Variants in PEX11B observed in about 807,000 individuals in gnomAD.
PEX11B encodes the protein peroxisomal membrane protein 11B.
In PEX11B, 18 loss-of-function variants were observed where a neutral mutation model predicts 28.2. The observed-to-expected ratio is 0.64, with a 90% CI of 0.44 to 0.95. The LOEUF (loss-of-function observed/expected upper bound fraction) is 0.95, where lower values mean the gene tolerates loss of function less well. PEX11B is among the 40% of genes least tolerant of loss of function. PEX11B has a pLI of 0.00. For missense variants in PEX11B, 305 were observed against 319.8 expected, an observed-to-expected ratio of 0.95 and a Z score of 0.35; for synonymous variants, 128 against 128.7, an observed-to-expected ratio of 0.99 and a Z score of 0.04.
chr1:145,916,823 G>A lies in PEX11B; in HGVS notation c.368C>T (p.Ser123Leu). 6.2e-7 allele frequency: 1 copy of A among 1,612,496 alleles called. No homozygotes were observed. Among genetic ancestry groups the A allele is most frequent in the Non-Finnish European group, 8.5e-7 (1 of 1,178,740 alleles). ...GGAGAACAGGATATCAAACCTGAAT[G>A]AACGCTGGGCCCACTTCTCCTGATC... The part of the protein sequence containing the change: ...RVDQEKWAQR[S>L]FRYYLFSLIM... The change falls in exon 3 of 4, where the codon TCA becomes TTA. Residue 123 changes from serine to leucine, a missense_variant. Transcript: ENST00000369306.
At chr1:145,918,603 G>A (rs1181378051) in intron 1 of PEX11B, 30 bp downstream of exon 1, 4 of 502,792 alleles carry the variant, frequency 8.0e-6, no homozygotes, top group Non-Finnish European at 8.9e-6. Flanking sequence ...TCCCTCCCCC[G>A]CCCCACCCCC....
chr1:145,912,369 C>T lies in PEX11B; in HGVS notation c.572G>A (p.Arg191Gln), dbSNP rs376116716. 3.8e-5 allele frequency: 61 copies of T among 1,612,838 alleles called. No homozygotes were observed. In the South Asian group the frequency reaches 4.1e-4, roughly 11 times the overall value. ...TCGAGCCAGGAGCAGGACTTGCAGC[C>T]GAAGTTTCAGAGCCAGTTGGGGCAG... The part of the protein sequence containing the change: ...GGLPQLALKL[R>Q]LQVLLLARVL... Residue 191 changes from arginine (R) to glutamine (Q), a missense_variant, in exon 4 of 4, where the codon CGG (arginine) becomes CAG (glutamine). Physicochemically the swap from Arg to Gln is conservative, Grantham distance 43. Transcript: ENST00000369306.
At chr1:145,918,567 G>A in intron 1 of PEX11B, 66 bp downstream of exon 1, 1 of 1,556,974 alleles carries the variant, frequency 6.4e-7, no homozygotes, top group African/African-American at 1.4e-5. Flanking sequence ...AACTGACTTC[G>A]CCTCACTAGA....
chr1:145,912,633 T>G (rs907297450), intron 3 of PEX11B, 67 bp from the exon 4 acceptor site: 571 of 1,103,856 alleles, frequency 5.2e-4, no homozygotes, highest in Non-Finnish European at 6.5e-4. Context: ...ACATCACATT[T>G]TAACATTTTC....
At chr1:145,918,373 C>T in intron 1 of PEX11B, 1 of 1,534,410 alleles carries the variant, frequency 6.5e-7, no homozygotes, top group South Asian at 1.2e-5. Flanking sequence ...AGTGAGGACA[C>T]TGTCGGTCTT....
rs1647291127 is a variant in PEX11B at position 145,914,862 on chromosome 1, T to TAACATTTATGAGATATTTATGTAATGTTA, written c.374+1954_374+1955insTAACATTACATAAATATCTCATAAATGTT. Among the ~76,000 whole-genome samples the TAACATTTATGAGATATTTATGTAATGTTA allele has an allele frequency of 2.0e-5, 3 of 152,210 alleles. No homozygotes were observed. The South Asian group carries it at 6.2e-4, about 31-fold the overall frequency. On this transcript the variant is annotated intron_variant, in intron 3 of 3. Coordinates refer to ENST00000369306, the MANE Select transcript of PEX11B (RefSeq NM_003846.3). ...TTATTGTTTATTTATGTTTATCTCA[T>TAACATTTATGAGATATTTATGTAATGTTA]CCCATTACAAGGTAAGTTCCAGAGG...
chr1:145,918,613 C>CCAA lies in PEX11B; in HGVS notation c.56+19_56+20insTTG. 1.9e-6 allele frequency: 3 copies of CCAA among 1,583,064 alleles called. No homozygotes were observed. The highest frequency in any genetic ancestry group is 2.6e-6 in the Non-Finnish European group (3 of 1,164,280). ...GTCCATCCCTCCCCCGCCCCACCCC[C>CCAA]ATTCCTATTCGGGCCGCACCTACAC... On this transcript the variant is annotated intron_variant, in intron 1 of 3. Coordinates refer to ENST00000369306, the MANE Select transcript of PEX11B (RefSeq NM_003846.3).
chr1:145,916,923 G>A lies in PEX11B; in HGVS notation c.268C>T (p.His90Tyr), dbSNP rs1553753995. Residue 90 changes from histidine to tyrosine, a missense_variant, in exon 3 of 4, where the codon CAC (histidine) becomes TAC (tyrosine). His to Tyr is a moderately conservative substitution (Grantham distance 83). Transcript: ENST00000369306. ...VVLRFCITVS[H>Y]LNRALYFACD... is the part of the protein sequence containing the mutation. ...GCGAAGTACAAGGCTCGATTGAGGT[G>A]ACTAACAGTGATGCAGAATCTCAGG... The A allele has an allele frequency of 6.2e-7, 1 of 1,613,534 alleles. No homozygotes were observed. The highest frequency in any genetic ancestry group is 1.7e-5 in the Admixed American group (1 of 60,016).
At position 145,918,680 on chromosome 1, in the gene PEX11B, G is replaced by C. The variant is rs782166116; in HGVS notation, c.9C>G (p.Ala3=). The change falls in exon 1 of 4, where the codon GCC becomes GCG. Residue 3 remains alanine (A), a synonymous_variant. Transcript: ENST00000369306. The stretch of plus-strand genomic sequence containing the variant: ...GGCTCTGAGCACTGAAGCGGACCCA[G>C]GCGTCCATGACAGCCGCAGCCCAGG... The part of the protein sequence containing the change: MD[A]WVRFSAQSQA... 2.6e-6 allele frequency: 4 copies of C among 1,557,136 alleles called. No individual in the cohort carries two copies. In the African/African-American group the frequency reaches 4.2e-5, roughly 16 times the overall value.
Position 145,911,794 on chromosome 1 carries a change from C to G in PEX11B, c.*367G>C, listed in dbSNP as rs1657800676. 6.2e-6 allele frequency: 1 copy of G among 160,644 alleles called. No individual in the cohort carries two copies. The highest frequency in any genetic ancestry group is 2.4e-5 in the African/African-American group (1 of 41,808). The allele number at this position is 160,644 out of a possible 1,614,324, so 10.0% of individuals were successfully genotyped here. ...AGGCCAAACCTTATACCTCCCCTAT[C>G]AAAAAGTAATTCTGCTGATTAAATC... On this transcript the variant is annotated 3_prime_UTR_variant, in exon 4 of 4. Transcript: ENST00000369306.
At chr1:145,914,131 T>G (rs1163597189) in intron 3 of PEX11B, among the ~76,000 whole-genome samples, 1 of 152,166 alleles carries the variant, frequency 6.6e-6, no homozygotes, top group Non-Finnish European at 1.5e-5. Context: ...ATCCCAGCAC[T>G]TCGGGAGGTG....
rs374656604 is a variant in PEX11B at position 145,918,704 on chromosome 1, G to T, written c.-16C>A. The T allele has an allele frequency of 1.0e-5, 16 of 1,559,866 alleles. No individual in the cohort carries two copies. Among genetic ancestry groups the T allele is most frequent in the African/African-American group, 1.4e-5 (1 of 73,572 alleles). ...AGGCGTCCATGACAGCCGCAGCCCA[G>T]GCTCCGCGGCCCTGCTCCCGCCCCA... On this transcript the variant is annotated 5_prime_UTR_variant, in exon 1 of 4. It adds an upstream start codon to the 5' untranslated region. Transcript: ENST00000369306.
At chr1:145,914,956 T>C (rs938497862) in intron 3 of PEX11B, among the ~76,000 whole-genome samples, 1 of 152,072 alleles carries the variant, frequency 6.6e-6, no homozygotes, top group African/African-American at 2.4e-5. Context: ...CAGGCTAGAG[T>C]ACAATGGCAC....
Position 145,912,439 on chromosome 1 carries a change from T to C in PEX11B, c.502A>G (p.Ser168Gly). 6.4e-7 allele frequency: 1 copy of C among 1,566,824 alleles called. No individual in the cohort carries two copies. Among genetic ancestry groups the C allele is most frequent in the South Asian group, 1.2e-5 (1 of 82,642 alleles). ...KGSGGGVPGG[S>G]ETGGLGGPGT... ...GGTCCCCCAAGTCCCCCAGTTTCAC[T>C]TCCTCCTGGGACTCCTCCTCCAGAA... Residue 168 changes from serine (S) to glycine (G), a missense_variant, in exon 4 of 4, where the codon AGT (serine) becomes GGT (glycine). Physicochemically the swap from Ser to Gly is moderately conservative, Grantham distance 56 (BLOSUM62 0). Transcript: ENST00000369306.
At chr1:145,918,607 C>T in intron 1 of PEX11B, 26 bp downstream of exon 1, 2 of 1,586,560 alleles carry the variant, frequency 1.3e-6, no homozygotes, top group South Asian at 1.1e-5. Flanking sequence ...TCCCCCGCCC[C>T]ACCCCCATTC....
At position 145,912,203 on chromosome 1, in the gene PEX11B, A is replaced by G. The variant is rs782512839; in HGVS notation, c.738T>C (p.Ser246=). The change falls in exon 4 of 4, where the codon TCT becomes TCC. Residue 246 remains serine, a synonymous_variant. Coordinates refer to ENST00000369306, the MANE Select transcript of PEX11B (RefSeq NM_003846.3). Reference sequence around the variant, plus strand: ...GCCAGGGATAGATTAGGGTGAGAATAGACAGGATGGAGGACACGAGGCCAC... The same window carrying G: ...GCCAGGGATAGATTAGGGTGAGAATGGACAGGATGGAGGACACGAGGCCAC... ...GLCGLVSSIL[S]ILTLIYPWLR... 2.9e-5 allele frequency: 47 copies of G among 1,613,732 alleles called. No homozygotes were observed. The highest frequency in any genetic ancestry group is 4.0e-5 in the Non-Finnish European group (47 of 1,179,788).
chr1:145,917,117 A>C, intron 2 of PEX11B, 99 bp from the exon 3 acceptor site: 1 of 790,748 alleles, frequency 1.3e-6, no homozygotes, highest in South Asian at 1.5e-5. Context: ...GTTGAGCAAT[A>C]ATAATGACAA....
chr1:145,915,487 G>A (rs1484229015), intron 3 of PEX11B, among the ~76,000 whole-genome samples: 1 of 151,990 alleles, frequency 6.6e-6, no homozygotes, highest in Non-Finnish European at 1.5e-5. Flanking sequence ...CAGATAATAT[G>A]TTAGAGAATT....
Position 145,918,628 on chromosome 1 carries a change from C to A in PEX11B, c.56+5G>T, listed in dbSNP as rs781866393. On this transcript the variant is annotated splice_donor_5th_base_variant and intron_variant, in intron 1 of 3. Coordinates refer to ENST00000369306, the MANE Select transcript of PEX11B (RefSeq NM_003846.3). ...GCCCCACCCCCATTCCTATTCGGGC[C>A]GCACCTACACAGCCGCTCCCGGGCT... The A allele has an allele frequency of 6.3e-7, 1 of 1,593,568 alleles. No individual in the cohort carries two copies. Among genetic ancestry groups the A allele is most frequent in the Non-Finnish European group, 8.5e-7 (1 of 1,171,060 alleles).
Sources: allele counts gnomAD v4.1 joint callset (sites outside exome capture counted in the v4.1 genomes callset), GRCh38; gene constraint gnomAD v4.1.1; transcripts MANE v1.5; gene names NCBI Gene and HGNC (gene_info 2026-07-23, HGNC 2026-07-21).